Variants in MELK observed in about 807,000 individuals in gnomAD.
MELK encodes the protein pEg3 kinase.
In MELK, 81 loss-of-function variants were observed where a neutral mutation model predicts 85.0. The ratio of observed to expected loss-of-function variants is 0.95; its 90% CI spans 0.80 to 1.15. The LOEUF is 1.15. MELK is among the 50% of genes most tolerant of loss of function. The pLI is 0.00. For synonymous variants in MELK, 252 were observed against 265.0 expected, an observed-to-expected ratio of 0.95 and a Z score of 0.48; for missense variants, 754 against 777.5, an observed-to-expected ratio of 0.97 and a Z score of 0.36.
intron 10 of MELK, among the ~76,000 whole-genome samples, chr9:36,634,108 A>C (rs921814421): frequency 2.1e-4 from 32 of 152,244 alleles, no homozygotes; most frequent in African/African-American, 7.2e-4. Flanking sequence ...TGAGTTATGC[A>C]AATCTTCCAA....
At chr9:36,655,569 T>A (rs1475586070) in intron 12 of MELK, among the ~76,000 whole-genome samples, 2 of 152,082 alleles carry the variant, frequency 1.3e-5, no homozygotes, top group South Asian at 4.2e-4. Flanking sequence ...CAATAGTTAA[T>A]GAGGAGCCAT....
chr9:36,630,460 G>C, intron 9 of MELK, 93 bp downstream of exon 9: 1 of 1,015,644 alleles, frequency 9.8e-7, no homozygotes, highest in Non-Finnish European at 1.5e-6. Context: ...CTATTAGCTT[G>C]AAAAAAATCC....
At chr9:36,665,699 C>A in intron 14 of MELK, 118 bp downstream of exon 14, 1 of 695,158 alleles carries the variant, frequency 1.4e-6, no homozygotes, top group Admixed American at 3.4e-5. Context: ...AGAAGTGAAG[C>A]TGTTTTTTAT....
intron 10 of MELK, among the ~76,000 whole-genome samples, chr9:36,639,327 G>A (rs1024671621): frequency 6.6e-6 from 1 of 152,094 alleles, no homozygotes; most frequent in Non-Finnish European, 1.5e-5. Context: ...CTTTTTAAAG[G>A]ATTTGCTTTT....
rs1825684676 is a variant in MELK at position 36,607,598 on chromosome 9, A to G, written c.591A>G (p.Ile197Met). The change falls in exon 8 of 18, where the codon ATA (isoleucine) becomes ATG (methionine). Residue 197 changes from isoleucine (I) to methionine (M), a missense_variant. Transcript: ENST00000298048. ...AGGCAGATGTTTGGAGCATGGGCAT[A>G]CTGTTATATGTTCTTATGTGTGGAT... is the stretch of plus-strand genomic sequence containing the variant. ...GSEADVWSMG[I>M]LLYVLMCGFL... 5 of 1,612,428 alleles carry G rather than the reference A, an allele frequency of 3.1e-6. No individual in the cohort carries two copies. The highest frequency in any genetic ancestry group is 4.2e-6 in the Non-Finnish European group (5 of 1,178,722).
At position 36,633,116 on chromosome 9, in the gene MELK, A is replaced by T. The variant is rs1163232021; in HGVS notation, c.750A>T (p.Lys250Asn). 1.2e-6 allele frequency: 2 copies of T among 1,609,318 alleles called. No homozygotes were observed. The highest frequency in any genetic ancestry group is 1.7e-6 in the Non-Finnish European group (2 of 1,178,884). Reference protein sequence around the residue: ...LQQMLQVDPKKRISMKNLLNH... With the variant: ...LQQMLQVDPKNRISMKNLLNH... The stretch of plus-strand genomic sequence containing the variant: ...ATGGCCACTAGGTGGACCCAAAGAA[A>T]CGGATTTCTATGAAAAATCTATTGA... Residue 250 changes from lysine (K) to asparagine (N), a missense_variant, in exon 10 of 18, where the codon AAA becomes AAT. Physicochemically the swap from Lys to Asn is moderately conservative, Grantham distance 94. Transcript: ENST00000298048.
intron 12 of MELK, among the ~76,000 whole-genome samples, chr9:36,655,784 A>G (rs1175662679): frequency 6.6e-6 from 1 of 152,198 alleles, no homozygotes; most frequent in African/African-American, 2.4e-5. Flanking sequence ...CTCTCCATGC[A>G]TCCAGTTCCA....
At chr9:36,628,594 A>G (rs1182428828) in intron 8 of MELK, among the ~76,000 whole-genome samples, 2 of 150,394 alleles carry the variant, frequency 1.3e-5, no homozygotes, top group African/African-American at 2.4e-5. Flanking sequence ...TAATTTTTGT[A>G]TTTTTAGTAG....
intron 10 of MELK, among the ~76,000 whole-genome samples, chr9:36,637,226 G>A (rs886066847): frequency 2.0e-5 from 3 of 152,098 alleles, no homozygotes; most frequent in Admixed American, 6.6e-5. Flanking sequence ...TGTTCCACTG[G>A]CCAAAGCAAG....
chr9:36,598,472 A>G (rs1824544067), intron 6 of MELK, among the ~76,000 whole-genome samples: 1 of 152,172 alleles, frequency 6.6e-6, no homozygotes, highest in African/African-American at 2.4e-5. Context: ...GCCAGCTGTA[A>G]GAACTCTATA....
At chr9:36,649,069 G>A (rs1317450445) in intron 11 of MELK, among the ~76,000 whole-genome samples, 2 of 152,106 alleles carry the variant, frequency 1.3e-5, no homozygotes, top group Admixed American at 6.5e-5. Context: ...TCTTGACATA[G>A]GAATAAGATG....
chr9:36,602,716 T>C lies in MELK; in HGVS notation c.567+3230T>C, dbSNP rs1258764082. On this transcript the variant is annotated intron_variant, in intron 7 of 17. Transcript: ENST00000298048. ...CTGGGATTACAGGCATGTGCCACCA[T>C]GCTTGGCTAATTTTGTATTTTTAGT... Among the ~76,000 whole-genome samples the C allele has an allele frequency of 2.6e-5, 4 of 151,732 alleles. No homozygotes were observed. In the East Asian group the frequency reaches 7.9e-4, roughly 30 times the overall value.
chr9:36,636,077 G>A (rs867697534), intron 10 of MELK, among the ~76,000 whole-genome samples: 7 of 152,018 alleles, frequency 4.6e-5, no homozygotes, highest in Non-Finnish European at 4.4e-5. Flanking sequence ...GTGAGCCACT[G>A]TGCCTGGCCT....
chr9:36,673,751 T>C (rs1202523223), intron 16 of MELK, among the ~76,000 whole-genome samples: 1 of 152,230 alleles, frequency 6.6e-6, no homozygotes, highest in African/African-American at 2.4e-5. Context: ...GTACAATTAA[T>C]ATGCTTTGGC....
chr9:36,605,918 AC>A (rs1378623731), intron 7 of MELK, among the ~76,000 whole-genome samples: 1 of 149,788 alleles, frequency 6.7e-6, no homozygotes, highest in Non-Finnish European at 1.5e-5. Flanking sequence ...GTGCCACTGC[AC>A]CCCAGCCTAG....
At chr9:36,670,752 A>G (rs1832809691) in intron 15 of MELK, among the ~76,000 whole-genome samples, 1 of 151,160 alleles carries the variant, frequency 6.6e-6, no homozygotes, top group Admixed American at 6.6e-5. Context: ...AAGGATATAT[A>G]TATCCTTTTT....
At chr9:36,647,149 G>T (rs1317408592) in intron 11 of MELK, among the ~76,000 whole-genome samples, 1 of 152,190 alleles carries the variant, frequency 6.6e-6, no homozygotes, top group East Asian at 1.9e-4. Flanking sequence ...TAGGGAAAAG[G>T]AGGGTTTAGA....
intron 9 of MELK, among the ~76,000 whole-genome samples, chr9:36,630,924 G>A (rs1484982643): frequency 6.6e-6 from 1 of 150,664 alleles, no homozygotes. Flanking sequence ...AAAGTGCTGG[G>A]ATTATAGGCG....
In MELK at chr9:36,643,094, C is replaced by T. The variant is rs901861096; in HGVS notation, c.921+11C>T. The T allele has an allele frequency of 2.6e-5, 41 of 1,607,468 alleles. 2 individuals carry two copies. In the Admixed American group the frequency reaches 3.4e-4, roughly 13 times the overall value. Reference sequence around the variant, plus strand: ...GATTTAATTTCACTGGTAAGAAATACAGCATGGGCTGGGCGCAGTGGCTCA... The same window carrying T: ...GATTTAATTTCACTGGTAAGAAATATAGCATGGGCTGGGCGCAGTGGCTCA... On this transcript the variant is annotated intron_variant, in intron 11 of 17. Coordinates refer to ENST00000298048, the MANE Select transcript of MELK (RefSeq NM_014791.4).
Sources: gnomAD v4.1 joint callset for allele counts (sites outside exome capture counted in the v4.1 genomes callset) on GRCh38, gnomAD v4.1.1 for gene constraint, MANE v1.5 for transcripts, NCBI Gene and HGNC (gene_info 2026-07-23, HGNC 2026-07-21) for gene names.